JPH3: variants seen among roughly 807,000 people sequenced by gnomAD.
The protein encoded by JPH3 is junctophilin 3, also known as junctophilin-3.
JPH3 carries 11 observed loss-of-function variants against 59.6 expected under a neutral mutation model. The observed-to-expected ratio is 0.18, with a 90% CI of 0.12 to 0.31. JPH3 has a LOEUF of 0.31. JPH3 is among the 10% of genes least tolerant of loss of function. The probability of loss-of-function intolerance (pLI) is 1.00; values close to 1 mark genes in which losing one functional copy is unlikely to be tolerated. For synonymous variants in JPH3, 673 were observed against 483.6 expected (o/e 1.39, Z -5.14); for missense variants, 1,202 against 1,105.7 (o/e 1.09, Z -1.24).
At chr16:87,678,466 G>A (rs994177761) in intron 2 of JPH3, among the ~76,000 whole-genome samples, 1 of 152,240 alleles carries the variant, frequency 6.6e-6, no homozygotes, top group South Asian at 2.1e-4. Flanking sequence ...TTGAACCTGT[G>A]AGAAAGAGGT....
rs147781158 is a variant in JPH3 at position 87,609,529 on chromosome 16, G to A, written c.382+6001G>A. Among the ~76,000 whole-genome samples, 38 of 152,314 alleles carry A rather than the reference G, an allele frequency of 2.5e-4. No homozygotes were observed. The East Asian group carries it at 4.2e-3, about 17-fold the overall frequency. On this transcript the variant is annotated intron_variant, in intron 1 of 4. Coordinates refer to ENST00000284262, the MANE Select transcript of JPH3 (RefSeq NM_020655.4). ...TCTGCGTGCCTCGGCCTCCCAAAGTGTTGGGATTACAGGTGTGAGCCACTG... is the reference window on the plus strand; with the variant it reads ...TCTGCGTGCCTCGGCCTCCCAAAGTATTGGGATTACAGGTGTGAGCCACTG...
At chr16:87,630,234 C>A (rs1026368385) in intron 1 of JPH3, among the ~76,000 whole-genome samples, 3 of 152,214 alleles carry the variant, frequency 2.0e-5, no homozygotes, top group African/African-American at 7.2e-5. Context: ...ATTTGCTGCC[C>A]ACCTCTGGGG....
At chr16:87,676,922 A>G (rs1047935164) in intron 2 of JPH3, among the ~76,000 whole-genome samples, 1 of 151,844 alleles carries the variant, frequency 6.6e-6, no homozygotes, top group African/African-American at 2.4e-5. Context: ...CTGTAATCCC[A>G]GCACTTGGGG....
At chr16:87,668,270 G>A (rs960905099) in intron 2 of JPH3, among the ~76,000 whole-genome samples, 7 of 152,142 alleles carry the variant, frequency 4.6e-5, no homozygotes, top group African/African-American at 9.7e-5. Context: ...TGACAGCAGC[G>A]CTGCTGTCTC....
intron 1 of JPH3, among the ~76,000 whole-genome samples, chr16:87,624,081 C>A (rs1277863749): frequency 6.6e-6 from 1 of 152,194 alleles, no homozygotes; most frequent in Non-Finnish European, 1.5e-5. Flanking sequence ...GCTGTCACTC[C>A]CCAAATGGAG....
intron 2 of JPH3, among the ~76,000 whole-genome samples, chr16:87,668,733 C>G (rs1286839322): frequency 6.6e-6 from 1 of 152,100 alleles, no homozygotes; most frequent in Non-Finnish European, 1.5e-5. Context: ...CTTTCCTGCC[C>G]AGCTCCCAGC....
intron 1 of JPH3, among the ~76,000 whole-genome samples, chr16:87,625,637 A>G (rs2031346894): frequency 6.6e-6 from 1 of 152,268 alleles, no homozygotes; most frequent in African/African-American, 2.4e-5. Context: ...GGGAGACGTG[A>G]GGATCTAACA....
At chr16:87,639,884 G>T (rs915023756) in intron 1 of JPH3, among the ~76,000 whole-genome samples, 1 of 152,224 alleles carries the variant, frequency 6.6e-6, no homozygotes, top group South Asian at 2.1e-4. Context: ...TGCATGGGGG[G>T]ACCACGTCAT....
At chr16:87,685,522 C>T (rs533865534) in intron 3 of JPH3, among the ~76,000 whole-genome samples, 5 of 152,370 alleles carry the variant, frequency 3.3e-5, no homozygotes, top group African/African-American at 9.6e-5. Flanking sequence ...GGCGGTGGGG[C>T]GCACACTTGG....
In JPH3 at chr16:87,602,974, T is replaced by G; in HGVS notation, c.-173T>G. ...ATAATCGCCCCCGATTGACTGAAAT[T>G]CCTCCGGAGCCGGCGCCGCGGCCGC... On this transcript the variant is annotated 5_prime_UTR_variant, in exon 1 of 5. The change creates a new upstream start codon in the 5' untranslated region. Transcript: ENST00000284262. 1.6e-6 allele frequency: 1 copy of G among 634,964 alleles called. No individual in the cohort carries two copies. Among genetic ancestry groups the G allele is most frequent in the Non-Finnish European group, 2.6e-6 (1 of 384,958 alleles). 39.3% of individuals were successfully genotyped at this position (634,964 alleles called of 1,614,324 possible). A position where few individuals can be genotyped will look rare whatever the true frequency, so the allele number is the denominator to read the frequency against.
intron 1 of JPH3, among the ~76,000 whole-genome samples, chr16:87,643,271 G>A (rs1027809678): frequency 5.9e-5 from 9 of 152,224 alleles, no homozygotes; most frequent in Non-Finnish European, 1.3e-4. Flanking sequence ...CGGACCGCAT[G>A]GCGTCTGTCC....
intron 1 of JPH3, among the ~76,000 whole-genome samples, chr16:87,613,610 C>G (rs975289130): frequency 1.3e-5 from 2 of 152,164 alleles, no homozygotes; most frequent in Non-Finnish European, 1.5e-5. Flanking sequence ...TGTGAGCCAC[C>G]TAGCCCAGCC....
chr16:87,644,080 G>C (rs938544024), intron 1 of JPH3, among the ~76,000 whole-genome samples, 178 bp from the exon 2 acceptor site: 1 of 152,194 alleles, frequency 6.6e-6, no homozygotes. Flanking sequence ...CCTGGCTGTC[G>C]TGAGCTGTGA....
chr16:87,641,815 G>T (rs372437246), intron 1 of JPH3, among the ~76,000 whole-genome samples: 12 of 152,378 alleles, frequency 7.9e-5, no homozygotes, highest in South Asian at 6.2e-4. Flanking sequence ...CACATGGGGC[G>T]TGAGGGGCCT....
chr16:87,657,707 C>G (rs1040886749), intron 2 of JPH3, among the ~76,000 whole-genome samples: 8 of 152,184 alleles, frequency 5.3e-5, no homozygotes, highest in African/African-American at 1.9e-4. Flanking sequence ...GGGTGTGACC[C>G]TAGCTTACCC....
intron 1 of JPH3, among the ~76,000 whole-genome samples, chr16:87,624,078 C>T (rs1185202771): frequency 6.6e-6 from 1 of 152,236 alleles, no homozygotes; most frequent in Non-Finnish European, 1.5e-5. Context: ...GTCGCTGTCA[C>T]TCCCCAAATG....
chr16:87,640,644 C>T (rs979374550), intron 1 of JPH3, among the ~76,000 whole-genome samples: 1 of 152,096 alleles, frequency 6.6e-6, no homozygotes, highest in East Asian at 1.9e-4. Flanking sequence ...CTGCTCGCCT[C>T]GGCCTCCCAA....
intron 2 of JPH3, 25 bp from the exon 3 acceptor site, chr16:87,684,117 T>A: frequency 1.3e-6 from 2 of 1,594,994 alleles, no homozygotes; most frequent in Non-Finnish European, 1.7e-6. Flanking sequence ...CTGCCCCCCC[T>A]CACGCTCCTC....
At chr16:87,668,643 A>G (rs2032936612) in intron 2 of JPH3, among the ~76,000 whole-genome samples, 1 of 152,174 alleles carries the variant, frequency 6.6e-6, no homozygotes, top group Non-Finnish European at 1.5e-5. Context: ...GCTGAGTGTT[A>G]GGTCGTGTGC....
Sources: gnomAD v4.1 joint callset for allele counts (sites outside exome capture counted in the v4.1 genomes callset) on GRCh38, gnomAD v4.1.1 for gene constraint, MANE v1.5 for transcripts, NCBI Gene and HGNC (gene_info 2026-07-23, HGNC 2026-07-21) for gene names.